The following DDX52 variants were observed in gnomAD, a reference collection of about 807,000 sequenced individuals.
The protein encoded by DDX52 is DExD-box helicase 52.
In DDX52, 59 loss-of-function variants were observed where a neutral mutation model predicts 76.1. The ratio of observed to expected loss-of-function variants is 0.78; its 90% confidence interval spans 0.63 to 0.96. The LOEUF (loss-of-function observed/expected upper bound fraction) is 0.96, where lower values mean the gene tolerates loss of function less well. Ranked by LOEUF, DDX52 falls within the 40% of genes least tolerant of loss-of-function variation. The pLI, the probability that DDX52 is intolerant of heterozygous loss-of-function variation, is 0.00. For synonymous variants in DDX52, 231 were observed against 244.1 expected, an observed-to-expected ratio of 0.95 and a Z score of 0.50; for missense variants, 707 against 703.9, an observed-to-expected ratio of 1.00 and a Z score of -0.05.
intron 13 of DDX52, among the ~76,000 whole-genome samples, chr17:37,619,188 G>T (rs1342550227): frequency 6.6e-6 from 1 of 152,032 alleles, no homozygotes; most frequent in Non-Finnish European, 1.5e-5. Flanking sequence ...AGACCAGCCT[G>T]GCCAACATGG....
intron 14 of DDX52, among the ~76,000 whole-genome samples, chr17:37,616,836 T>C (rs903806361): frequency 1.3e-5 from 2 of 152,224 alleles, no homozygotes; most frequent in Non-Finnish European, 2.9e-5. Context: ...ATATATACAC[T>C]GTATATTTGA....
At chr17:37,621,342 C>G in intron 10 of DDX52, 56 bp downstream of exon 10, 1 of 1,595,014 alleles carries the variant, frequency 6.3e-7, no homozygotes, top group African/African-American at 1.4e-5. Flanking sequence ...AATTTAATGT[C>G]AATAGTTTAA....
At chr17:37,630,279 A>G (rs1453535822) in intron 4 of DDX52, 106 bp from the exon 5 acceptor site, 9 of 1,184,862 alleles carry the variant, frequency 7.6e-6, no homozygotes, top group South Asian at 3.5e-5. Flanking sequence ...ACAATTTTAC[A>G]TAATGAATCT....
intron 6 of DDX52, among the ~76,000 whole-genome samples, chr17:37,627,087 G>A (rs1037632181): frequency 9.9e-5 from 15 of 152,200 alleles, no homozygotes; most frequent in African/African-American, 3.6e-4. Flanking sequence ...AGTACAATGT[G>A]TGATCATAGC....
Position 37,627,922 on chromosome 17 carries a change from C to A in DDX52, c.859+639G>T, listed in dbSNP as rs2030472473. Among the ~76,000 whole-genome samples the A allele has an allele frequency of 2.0e-5, 3 of 151,928 alleles. No individual in the cohort carries two copies. In the South Asian group the frequency reaches 6.2e-4, roughly 32 times the overall value. ...AGCTAGGACTACAGGCATGCACCAC[C>A]ATGCCTGGCTAATTTTTTTTTATTT... On this transcript the variant is annotated intron_variant, in intron 6 of 14. Transcript: ENST00000617633.
At chr17:37,627,039 T>G (rs1341401855) in intron 6 of DDX52, among the ~76,000 whole-genome samples, 179 bp from the exon 7 acceptor site, 3 of 152,164 alleles carry the variant, frequency 2.0e-5, no homozygotes, top group African/African-American at 7.2e-5. Context: ...CTCTTTCTTT[T>G]TGAGACAGGG....
chr17:37,640,514 A>C (rs1197522308), intron 2 of DDX52, among the ~76,000 whole-genome samples: 2 of 152,066 alleles, frequency 1.3e-5, no homozygotes, highest in Non-Finnish European at 2.9e-5. Context: ...ATACAAAAGA[A>C]ATTGATTAAC....
At chr17:37,618,802 A>G (rs1242088031) in intron 13 of DDX52, among the ~76,000 whole-genome samples, 3 of 152,154 alleles carry the variant, frequency 2.0e-5, no homozygotes, top group Non-Finnish European at 4.4e-5. Flanking sequence ...TCATTTTTCA[A>G]AACCATTTAC....
chr17:37,628,696 A>G, intron 5 of DDX52, 24 bp from the exon 6 acceptor site: 1 of 1,512,828 alleles, frequency 6.6e-7, no homozygotes, highest in Non-Finnish European at 9.0e-7. Context: ...GATTAAAAAC[A>G]TTAGCTGCTA....
At chr17:37,629,228 TACACACACACACACACACACAC>T (rs10661586) in intron 5 of DDX52, among the ~76,000 whole-genome samples, 19 of 133,970 alleles carry the variant, frequency 1.4e-4, no homozygotes, top group South Asian at 2.5e-4. Flanking sequence ...CAAGAAAAAA[TACACACACACACACACACACAC>T]ACACACACAC....
At chr17:37,625,862 T>A in intron 8 of DDX52, 33 bp downstream of exon 8, 3 of 1,608,008 alleles carry the variant, frequency 1.9e-6, no homozygotes, top group African/African-American at 1.3e-5. Flanking sequence ...AAAAAAAAAA[T>A]CAGTGTGATA....
intron 2 of DDX52, chr17:37,639,532 T>C: frequency 1.4e-6 from 1 of 703,944 alleles, no homozygotes; most frequent in Non-Finnish European, 1.8e-6. Context: ...GGTCAGGAGA[T>C]CGAGACCATA....
intron 2 of DDX52, chr17:37,639,566 T>A: frequency 2.3e-6 from 1 of 432,772 alleles, no homozygotes; most frequent in South Asian, 8.8e-5. Flanking sequence ...TGAAACCCTG[T>A]CTCTAATAAA....
In DDX52 at chr17:37,632,313, A is replaced by G; in HGVS notation, c.418-15T>C. The G allele has an allele frequency of 6.2e-7, 1 of 1,613,926 alleles. No individual in the cohort carries two copies. Among genetic ancestry groups the G allele is most frequent in the Non-Finnish European group, 8.5e-7 (1 of 1,179,860 alleles). On this transcript the variant is annotated splice_polypyrimidine_tract_variant and intron_variant, in intron 3 of 14. Transcript: ENST00000617633. ...AAGAAGTTTATCTGAAAAGTGAAGT[A>G]AAGAGGCCACCATGGATATGGCCAA...
chr17:37,615,269 T>C (rs2064411363), intron 14 of DDX52, among the ~76,000 whole-genome samples: 1 of 152,228 alleles, frequency 6.6e-6, no homozygotes, highest in Non-Finnish European at 1.5e-5. Context: ...TTAAGTAGTA[T>C]GGCCTTTACA....
chr17:37,625,845 T>C (rs1598757477), intron 8 of DDX52, 50 bp downstream of exon 8: 2 of 1,605,450 alleles, frequency 1.2e-6, no homozygotes, highest in African/African-American at 2.7e-5. Flanking sequence ...AAAAAAGACT[T>C]GTATTTAAAA....
intron 3 of DDX52, 75 bp from the exon 4 acceptor site, chr17:37,632,373 A>C: frequency 6.5e-7 from 1 of 1,545,052 alleles, no homozygotes; most frequent in African/African-American, 1.4e-5. Context: ...AAGCAACATT[A>C]ACAGTTTCTG....
rs1256638137 is a variant in DDX52 at position 37,630,146 on chromosome 17, T to C, written c.631A>G (p.Thr211Ala). 8.7e-6 allele frequency: 14 copies of C among 1,613,438 alleles called. No individual in the cohort carries two copies. The highest frequency in any genetic ancestry group is 2.2e-5 in the East Asian group (1 of 44,872). ...AAAGCTAATGTTTTTCCAGATCCAG[T>C]TGGAGCAGAAGCCAGAAGTTCCCGA... ...HGRELLASAP[T>A]GSGKTLAFSI... Residue 211 changes from threonine to alanine, a missense_variant, in exon 5 of 15, where the codon ACT (threonine) becomes GCT (alanine). Coordinates refer to ENST00000617633, the MANE Select transcript of DDX52 (RefSeq NM_007010.5).
intron 5 of DDX52, among the ~76,000 whole-genome samples, chr17:37,629,260 CACACACACACACACACAT>C (rs1393955062): frequency 4.0e-5 from 6 of 149,336 alleles, no homozygotes; most frequent in African/African-American, 1.5e-4. Context: ...CACACACACA[CACACACACACACACACAT>C]AGTACTATTA....
Sources: allele counts gnomAD v4.1 joint callset (sites outside exome capture counted in the v4.1 genomes callset), GRCh38; gene constraint gnomAD v4.1.1; transcripts MANE v1.5; gene names NCBI Gene and HGNC (gene_info 2026-07-23, HGNC 2026-07-21).